The following MCPH1 variants were observed in gnomAD, a reference collection of about 807,000 sequenced individuals.
MCPH1 encodes the protein microcephalin 1.
A neutral mutation model predicts 84.5 loss-of-function variants in MCPH1; 104 were observed. That is an observed-to-expected ratio of 1.23 (90% CI 1.05 to 1.45). The LOEUF is 1.45. MCPH1 is among the 40% of genes most tolerant of loss of function. The pLI, the probability that MCPH1 is intolerant of heterozygous loss-of-function variation, is 0.00. For missense variants in MCPH1, 1,498 were observed against 1,005.7 expected, an observed-to-expected ratio of 1.49 and a Z score of -6.62; for synonymous variants, 514 against 366.8, an observed-to-expected ratio of 1.40 and a Z score of -4.58.
intron 3 of MCPH1, among the ~76,000 whole-genome samples, chr8:6,416,282 TGTCATGTCATGTC>T (rs1799286261): frequency 1.8e-3 from 1 of 554 alleles, no homozygotes; most frequent in Non-Finnish European, 0.012. Flanking sequence ...TGTTATGTCA[TGTCATGTCATGTC>T]ATGTCATGTC....
At chr8:6,592,715 C>T (rs1432629894) in intron 12 of MCPH1, among the ~76,000 whole-genome samples, 5 of 145,010 alleles carry the variant, frequency 3.4e-5, no homozygotes, top group African/African-American at 7.7e-5. Context: ...AGTGCAGTGG[C>T]GCTCTGTGGG....
intron 3 of MCPH1, among the ~76,000 whole-genome samples, chr8:6,426,257 T>A (rs774836475): frequency 3.3e-5 from 5 of 152,234 alleles, no homozygotes; most frequent in Non-Finnish European, 7.3e-5. Flanking sequence ...ACGGGTTTTT[T>A]GTGTATACCT....
At chr8:6,420,377 C>T (rs937052355) in intron 3 of MCPH1, among the ~76,000 whole-genome samples, 7 of 152,112 alleles carry the variant, frequency 4.6e-5, no homozygotes, top group African/African-American at 9.7e-5. Context: ...GTATTCTCCC[C>T]GACTTTCTGC....
At chr8:6,474,652 T>C (rs930081828) in intron 9 of MCPH1, among the ~76,000 whole-genome samples, 16 of 152,246 alleles carry the variant, frequency 1.1e-4, no homozygotes, top group African/African-American at 3.9e-4. Flanking sequence ...CGTTCACTTA[T>C]TTGATCAGTA....
intron 12 of MCPH1, among the ~76,000 whole-genome samples, chr8:6,605,758 C>T (rs1829720538): frequency 6.6e-6 from 1 of 152,134 alleles, no homozygotes; most frequent in Non-Finnish European, 1.5e-5. Context: ...AGTGCAGTGG[C>T]ACGATCTCAG....
chr8:6,600,482 G>T (rs2442565), intron 12 of MCPH1, among the ~76,000 whole-genome samples: 1 of 152,106 alleles, frequency 6.6e-6, no homozygotes, highest in Non-Finnish European at 1.5e-5. Flanking sequence ...GGATTGGGGC[G>T]GCACTGGCCA....
At chr8:6,521,245 A>G in intron 12 of MCPH1, 1 of 1,613,922 alleles carries the variant, frequency 6.2e-7, no homozygotes, top group Non-Finnish European at 8.5e-7. Flanking sequence ...GCTGCTTCTG[A>G]AGAACTGAAT....
intron 13 of MCPH1, among the ~76,000 whole-genome samples, chr8:6,634,466 G>T (rs1797395400): frequency 6.6e-6 from 1 of 151,550 alleles, no homozygotes; most frequent in Non-Finnish European, 1.5e-5. Flanking sequence ...GCCCCTACAG[G>T]AATTAAGGAT....
chr8:6,487,858 G>A (rs1290291649), intron 11 of MCPH1, among the ~76,000 whole-genome samples: 3 of 152,138 alleles, frequency 2.0e-5, no homozygotes, highest in Admixed American at 6.5e-5. Flanking sequence ...TTTTGCAGCC[G>A]AGAAGGACGC....
chr8:6,445,191 G>A lies in MCPH1; in HGVS notation c.1469G>A (p.Gly490Asp), dbSNP rs975623821. 1.2e-6 allele frequency: 2 copies of A among 1,614,232 alleles called. No homozygotes were observed. Among genetic ancestry groups the A allele is most frequent in the Non-Finnish European group, 1.7e-6 (2 of 1,180,042 alleles). Residue 490 changes from glycine to aspartate, a missense_variant, in exon 8 of 14, where the codon GGT becomes GAT. Transcript: ENST00000344683. Reference sequence around the variant, plus strand: ...TCCAGTCCTCGGAAAACTGGAAATGGTGAAGGCCGTGCAACTTCGAGTTGC... The same window carrying A: ...TCCAGTCCTCGGAAAACTGGAAATGATGAAGGCCGTGCAACTTCGAGTTGC... ...TISSPRKTGN[G>D]EGRATSSCVT...
intron 13 of MCPH1, among the ~76,000 whole-genome samples, chr8:6,639,631 C>G (rs1797791663): frequency 6.6e-6 from 1 of 151,370 alleles, no homozygotes; most frequent in South Asian, 2.1e-4. Context: ...CCACTGCACT[C>G]CAGTCTGGGC....
Position 6,444,589 on chromosome 8 carries a change from G to T in MCPH1, c.867G>T (p.Gln289His). 1 of 1,614,144 alleles carries T rather than the reference G, an allele frequency of 6.2e-7. No individual in the cohort carries two copies. The highest frequency in any genetic ancestry group is 1.7e-5 in the Admixed American group (1 of 60,030). Residue 289 changes from glutamine to histidine, a missense_variant, in exon 8 of 14, where the codon CAG becomes CAT. Physicochemically the swap from Gln to His is conservative, Grantham distance 24. Coordinates refer to ENST00000344683, the MANE Select transcript of MCPH1 (RefSeq NM_024596.5). Reference protein sequence around the residue: ...SFTHLDKSSPQKFLSNLSKEE... With the variant: ...SFTHLDKSSPHKFLSNLSKEE... The stretch of plus-strand genomic sequence containing the variant: ...CTCACCTCGATAAATCAAGTCCTCA[G>T]AAATTTCTGAGTAATCTTTCAAAGG...
intron 2 of MCPH1, 46 bp downstream of exon 2, chr8:6,409,416 T>G (rs747227010): frequency 7.0e-7 from 1 of 1,433,624 alleles, no homozygotes; most frequent in Non-Finnish European, 9.8e-7. Flanking sequence ...GTCTTCTGAT[T>G]GGTAAAAAGT....
intron 11 of MCPH1, among the ~76,000 whole-genome samples, chr8:6,497,781 C>T (rs1362416349): frequency 6.6e-6 from 1 of 152,082 alleles, no homozygotes; most frequent in Non-Finnish European, 1.5e-5. Context: ...TTTAAAAATA[C>T]AAATACAGAA....
At chr8:6,448,849 G>T (rs1489889194) in intron 8 of MCPH1, among the ~76,000 whole-genome samples, 1 of 152,050 alleles carries the variant, frequency 6.6e-6, no homozygotes, top group African/African-American at 2.4e-5. Flanking sequence ...CGCTTCATGG[G>T]CAAAGAGACC....
At chr8:6,593,006 A>C (rs867007153) in intron 12 of MCPH1, among the ~76,000 whole-genome samples, 11 of 150,164 alleles carry the variant, frequency 7.3e-5, no homozygotes, top group Admixed American at 1.3e-4. Flanking sequence ...CCAAATAAAC[A>C]CAGAGCTTTA....
At chr8:6,493,114 T>G (rs910274266) in intron 11 of MCPH1, among the ~76,000 whole-genome samples, 4 of 152,242 alleles carry the variant, frequency 2.6e-5, no homozygotes, top group African/African-American at 9.6e-5. Flanking sequence ...TATTTCTTTG[T>G]TTTCCTTTTG....
At chr8:6,625,856 A>G in intron 13 of MCPH1, 1 of 985,426 alleles carries the variant, frequency 1.0e-6, no homozygotes, top group African/African-American at 1.7e-5. Flanking sequence ...CTTGTTTTGC[A>G]GATGTCGTAA....
rs1290408109 is a variant in MCPH1 at position 6,505,291 on chromosome 8, A to AT, written c.2214+5363dup. 9.8e-3 allele frequency among the ~76,000 whole-genome samples: 301 copies of AT among 30,730 alleles called. 36 individuals carry two copies. In the South Asian group the frequency reaches 0.18, roughly 18 times the overall value. The allele number at this position is 30,730 out of a possible 152,430, so 20.2% of individuals were successfully genotyped here. The stretch of plus-strand genomic sequence containing the variant: ...ATATATGTATACATATATATGTTAT[A>AT]TACATATATATGTATATAACATATA... On this transcript the variant is annotated intron_variant, in intron 12 of 13. Coordinates refer to ENST00000344683, the MANE Select transcript of MCPH1 (RefSeq NM_024596.5).
Sources: gnomAD v4.1 joint callset for allele counts (sites outside exome capture counted in the v4.1 genomes callset) on GRCh38, gnomAD v4.1.1 for gene constraint, MANE v1.5 for transcripts, NCBI Gene and HGNC (gene_info 2026-07-23, HGNC 2026-07-21) for gene names.